CNTNAP5: variants seen among roughly 807,000 people sequenced by gnomAD.
The protein encoded by CNTNAP5 is contactin-associated protein-like 5.
In CNTNAP5, 72 loss-of-function variants were observed where a neutral mutation model predicts 150.2. That is an observed-to-expected ratio of 0.48 (90% confidence interval 0.40 to 0.58). The LOEUF (loss-of-function observed/expected upper bound fraction) is 0.58. CNTNAP5 is among the 20% of genes least tolerant of loss of function. The pLI is 0.00. For synonymous variants in CNTNAP5, 672 were observed against 619.8 expected (o/e 1.08, Z -1.25); for missense variants, 1,636 against 1,626.2 (o/e 1.01, Z -0.10).
intron 16 of CNTNAP5, among the ~76,000 whole-genome samples, chr2:124,768,419 T>A (rs1031641022): frequency 2.0e-5 from 3 of 152,132 alleles, no homozygotes; most frequent in Non-Finnish European, 4.4e-5. Context: ...TTACAAAATA[T>A]GATGTTAACT....
chr2:124,360,130 C>T (rs1407926170), intron 3 of CNTNAP5, among the ~76,000 whole-genome samples: 3 of 145,556 alleles, frequency 2.1e-5, no homozygotes, highest in African/African-American at 7.6e-5. Context: ...ATTGCAACCC[C>T]TGCCTTTTTT....
chr2:124,703,235 C>T (rs76774660), intron 13 of CNTNAP5, among the ~76,000 whole-genome samples: 81 of 148,908 alleles, frequency 5.4e-4, no homozygotes, highest in Middle Eastern at 3.5e-3. Context: ...CTTCCTTCCT[C>T]CTCCCTTTCT....
At chr2:124,362,240 T>A (rs1301568894) in intron 3 of CNTNAP5, among the ~76,000 whole-genome samples, 9 of 152,154 alleles carry the variant, frequency 5.9e-5, no homozygotes, top group Non-Finnish European at 1.5e-5. Flanking sequence ...ACCCGGTACG[T>A]CACATGGAAA....
At chr2:124,445,957 G>A (rs998805622) in intron 5 of CNTNAP5, among the ~76,000 whole-genome samples, 1 of 152,050 alleles carries the variant, frequency 6.6e-6, no homozygotes, top group Admixed American at 6.5e-5. Context: ...AGAGAAGGAG[G>A]CGGAGGGGGA....
chr2:124,221,372 T>C (rs551569036), intron 1 of CNTNAP5, among the ~76,000 whole-genome samples: 1 of 152,152 alleles, frequency 6.6e-6, no homozygotes, highest in Non-Finnish European at 1.5e-5. Flanking sequence ...TTTGCTCAAG[T>C]GGCTTATTGA....
intron 1 of CNTNAP5, among the ~76,000 whole-genome samples, chr2:124,043,419 C>G (rs1261398603): frequency 2.0e-5 from 3 of 152,190 alleles, no homozygotes. Context: ...CACTGGACAT[C>G]TCAAACCAAG....
chr2:124,158,952 T>C (rs925732026), intron 1 of CNTNAP5, among the ~76,000 whole-genome samples: 3 of 152,216 alleles, frequency 2.0e-5, no homozygotes, highest in Admixed American at 1.3e-4. Flanking sequence ...CCCACAGGAA[T>C]CTTACAGTTC....
At chr2:124,669,014 C>G (rs547108218) in intron 13 of CNTNAP5, among the ~76,000 whole-genome samples, 4 of 152,194 alleles carry the variant, frequency 2.6e-5, no homozygotes, top group Non-Finnish European at 4.4e-5. Context: ...TTACATTTTG[C>G]TTTACCAGCT....
intron 19 of CNTNAP5, among the ~76,000 whole-genome samples, chr2:124,828,458 G>A (rs1325397831): frequency 1.3e-5 from 2 of 151,986 alleles, no homozygotes; most frequent in East Asian, 3.9e-4. Context: ...TCCAGCCTGG[G>A]TGACAGAGTG....
At chr2:124,472,260 G>A (rs573032077) in intron 6 of CNTNAP5, among the ~76,000 whole-genome samples, 37 of 152,020 alleles carry the variant, frequency 2.4e-4, no homozygotes, top group African/African-American at 7.5e-4. Context: ...TGAAATAATC[G>A]TGAATAAAAC....
chr2:124,084,924 G>GTTTTTTTT (rs71394021), intron 1 of CNTNAP5, among the ~76,000 whole-genome samples: 1,105 of 89,856 alleles, frequency 0.012, 161 homozygotes, highest in African/African-American at 0.043. Context: ...CAAGTTTCCT[G>GTTTTTTTT]TTTTTTTTTT....
chr2:124,397,745 T>TA (rs1332746383), intron 3 of CNTNAP5, among the ~76,000 whole-genome samples: 1 of 152,174 alleles, frequency 6.6e-6, no homozygotes, highest in Non-Finnish European at 1.5e-5. Flanking sequence ...CCTAAGGTGA[T>TA]ACACGAAATA....
chr2:124,565,096 C>G (rs1363460508), intron 11 of CNTNAP5, among the ~76,000 whole-genome samples: 1 of 152,120 alleles, frequency 6.6e-6, no homozygotes, highest in Non-Finnish European at 1.5e-5. Flanking sequence ...CTTTAAAGAC[C>G]TCTCAGCCAT....
At chr2:124,184,641 G>T (rs758931914) in intron 1 of CNTNAP5, among the ~76,000 whole-genome samples, 1 of 152,142 alleles carries the variant, frequency 6.6e-6, no homozygotes, top group Non-Finnish European at 1.5e-5. Flanking sequence ...ATTAAAATCT[G>T]CATTCACCCT....
intron 3 of CNTNAP5, among the ~76,000 whole-genome samples, chr2:124,319,998 T>C (rs1192170709): frequency 6.6e-6 from 1 of 152,242 alleles, no homozygotes; most frequent in Non-Finnish European, 1.5e-5. Flanking sequence ...ATAGATATGA[T>C]ACCAACTGAT....
chr2:124,557,003 T>C (rs4848938), intron 10 of CNTNAP5, among the ~76,000 whole-genome samples: 11 of 151,174 alleles, frequency 7.3e-5, no homozygotes, highest in East Asian at 2.0e-4. Flanking sequence ...TCTCCTGCCT[T>C]CCCCCCCGCT....
intron 1 of CNTNAP5, among the ~76,000 whole-genome samples, chr2:124,148,237 T>A (rs1246823802): frequency 6.6e-6 from 1 of 151,480 alleles, no homozygotes; most frequent in Non-Finnish European, 1.5e-5. Flanking sequence ...AGGCAGAGCT[T>A]GCAGTGAGCC....
At chr2:124,657,947 T>C (rs1444667371) in intron 13 of CNTNAP5, among the ~76,000 whole-genome samples, 1 of 152,254 alleles carries the variant, frequency 6.6e-6, no homozygotes, top group Non-Finnish European at 1.5e-5. Flanking sequence ...ATCAGATACC[T>C]TCTTCTTGCT....
chr2:124,199,772 A>G (rs1374247216), intron 1 of CNTNAP5, among the ~76,000 whole-genome samples: 1 of 152,156 alleles, frequency 6.6e-6, no homozygotes, highest in Non-Finnish European at 1.5e-5. Context: ...CACCTTTTCA[A>G]TTATTTATAG....
Sources: allele counts gnomAD v4.1 joint callset (sites outside exome capture counted in the v4.1 genomes callset), GRCh38; gene constraint gnomAD v4.1.1; transcripts MANE v1.5; gene names NCBI Gene and HGNC (gene_info 2026-07-23, HGNC 2026-07-21).